Variants in LCN15 observed in about 807,000 individuals in gnomAD.
The protein encoded by LCN15 is lipocalin 15, also known as lipocalin-15.
A neutral mutation model predicts 23.1 loss-of-function variants in LCN15; 26 were observed. That is an observed-to-expected ratio of 1.13 (90% CI 0.82 to 1.56). LCN15 has a LOEUF of 1.56. LCN15 is among the 40% of genes most tolerant of loss of function. The pLI is 0.00. For synonymous variants in LCN15, 107 were observed against 98.3 expected (o/e 1.09, Z -0.52); for missense variants, 241 against 239.5 (o/e 1.01, Z -0.04).
chr9:136,763,319 G>C, intron 4 of LCN15, 38 bp downstream of exon 4: 1 of 1,205,596 alleles, frequency 8.3e-7, no homozygotes, highest in Non-Finnish European at 1.1e-6. Flanking sequence ...TGGGAAGTTG[G>C]GGAGGGGCCA....
At chr9:136,762,024 G>A (rs552807667) in intron 5 of LCN15, among the ~76,000 whole-genome samples, 164 bp downstream of exon 5, 1 of 152,304 alleles carries the variant, frequency 6.6e-6, no homozygotes, top group East Asian at 1.9e-4. Context: ...AGTCTGTTCT[G>A]GGGGAGGTGG....
chr9:136,764,508 C>CCCCT lies in LCN15; in HGVS notation c.-24_-21dup. The CCCCT allele has an allele frequency of 6.2e-7, 1 of 1,600,894 alleles. No homozygotes were observed. On this transcript the variant is annotated 5_prime_UTR_variant, in exon 1 of 7. Transcript: ENST00000316144. Reference sequence around the variant, plus strand: ...CATCATCCCCTCCCCTGCCCTCCAGCCCCTGGTGCTGAGTCCCCAAGCCCC... The same window carrying CCCCT: ...CATCATCCCCTCCCCTGCCCTCCAGCCCCTCCCTGGTGCTGAGTCCCCAAGCCCC...
chr9:136,760,543 C>T (rs886837360), intron 6 of LCN15, among the ~76,000 whole-genome samples: 1 of 151,734 alleles, frequency 6.6e-6, no homozygotes, highest in Non-Finnish European at 1.5e-5. Flanking sequence ...TCCCTCCAGA[C>T]GCCGGTGACT....
At chr9:136,762,090 C>G in intron 5 of LCN15, 98 bp downstream of exon 5, 2 of 848,050 alleles carry the variant, frequency 2.4e-6, no homozygotes, top group South Asian at 3.7e-5. Flanking sequence ...CACCTGCTGC[C>G]CGCACACTGC....
At position 136,761,851 on chromosome 9, in the gene LCN15, C is replaced by T; in HGVS notation, c.523G>A (p.Ala175Thr). ...GCCTCCTTGCTCTCAGGGTTGCATG[C>T]ATCTGTGGGGAGGAAGACATCCGTG... Reference protein sequence around the residue: ...DMMVMLPQSDACNPESKEAP With the variant: ...DMMVMLPQSDTCNPESKEAP The change falls in exon 6 of 7, where the codon GCA becomes ACA. Residue 175 changes from alanine (A) to threonine (T), a missense_variant and splice_region_variant. Transcript: ENST00000316144. The surrounding 1 kb of genome is among the most constrained non-coding windows in gnomAD (Gnocchi z 4.2). The T allele has an allele frequency of 1.5e-6, 2 of 1,332,788 alleles. No homozygotes were observed. The highest frequency in any genetic ancestry group is 1.5e-5 in the African/African-American group (1 of 66,216). 82.6% of individuals were successfully genotyped at this position (1,332,788 alleles called of 1,614,324 possible).
In LCN15 at chr9:136,762,701, A is replaced by G. The variant is rs1187570671; in HGVS notation, c.419-412T>C. ...CGGATCACGAGGTCAGGAGATCGAG[A>G]CCATCCTGGCTAACACGGTGAAACC... On this transcript the variant is annotated intron_variant, in intron 4 of 6. Transcript: ENST00000316144. Among the ~76,000 whole-genome samples the G allele has an allele frequency of 2.6e-5, 4 of 152,162 alleles. No individual in the cohort carries two copies. The East Asian group carries it at 7.7e-4, about 29-fold the overall frequency.
At position 136,763,959 on chromosome 9, in the gene LCN15, G is replaced by A. The variant is rs570212085; in HGVS notation, c.147C>T (p.Phe49=). The A allele has an allele frequency of 5.0e-6, 8 of 1,613,552 alleles. No homozygotes were observed. In the Admixed American group the frequency reaches 1.0e-4, roughly 20 times the overall value. Residue 49 remains phenylalanine, a synonymous_variant, in exon 2 of 7, where the codon TTC becomes TTT. Transcript: ENST00000316144. ...VVSMASDCRV[F]LGKKDHLSMS... ...TGGACAGGTGGTCCTTCTTGCCCAG[G>A]AAGACCCTGCAGTCAGATGCCATGG...
At chr9:136,763,269 C>A in intron 4 of LCN15, 88 bp downstream of exon 4, 2 of 539,702 alleles carry the variant, frequency 3.7e-6, no homozygotes, top group Non-Finnish European at 5.4e-6. Context: ...GGGCGGCAGG[C>A]GGGCGGGGCG....
chr9:136,764,238 G>A (rs1847354993), intron 1 of LCN15, 155 bp downstream of exon 1: 2 of 824,470 alleles, frequency 2.4e-6, no homozygotes, highest in Non-Finnish European at 3.8e-6. Context: ...TCCATTCACA[G>A]GTTGGTTTAG....
At chr9:136,760,622 C>T (rs932245532) in intron 6 of LCN15, among the ~76,000 whole-genome samples, 1 of 152,248 alleles carries the variant, frequency 6.6e-6, no homozygotes, top group South Asian at 2.1e-4. Flanking sequence ...AGGGACCCAG[C>T]GGTCTCCCGG....
chr9:136,764,112 C>T, intron 1 of LCN15, 103 bp from the exon 2 acceptor site: 4 of 1,457,352 alleles, frequency 2.7e-6, no homozygotes, highest in Middle Eastern at 1.8e-4. Context: ...CAAGGGGTCT[C>T]GGAGTGGCCA....
At chr9:136,764,368 A>G (rs778108561) in intron 1 of LCN15, 25 bp downstream of exon 1, 4 of 1,600,658 alleles carry the variant, frequency 2.5e-6, no homozygotes, top group East Asian at 2.2e-5. Context: ...CCCACCCACC[A>G]CAGGACAGCA....
chr9:136,760,453 G>C (rs1307009763), intron 6 of LCN15, among the ~76,000 whole-genome samples: 1 of 152,196 alleles, frequency 6.6e-6, no homozygotes, highest in African/African-American at 2.4e-5. Flanking sequence ...AAACGCAACA[G>C]CAGCACGGCA....
Position 136,761,322 on chromosome 9 carries a change from G to T in LCN15, c.*32+465C>A, listed in dbSNP as rs571222405. On this transcript the variant is annotated intron_variant, in intron 6 of 6. Coordinates refer to ENST00000316144, the MANE Select transcript of LCN15 (RefSeq NM_203347.2). This position sits in a 1 kb window ranked among gnomAD's most constrained non-coding sequence, Gnocchi z 4.2. ...GTCACCCAGGCTGGACTGTAATGGT[G>T]CAATCTCGGCTCACCGCAACCTCCG... Among the ~76,000 whole-genome samples the T allele has an allele frequency of 6.6e-6, 1 of 152,332 alleles. No homozygotes were observed. The highest frequency in any genetic ancestry group is 1.9e-4 in the East Asian group (1 of 5,192).
At chr9:136,763,234 A>AG in intron 4 of LCN15, 123 bp downstream of exon 4, 1 of 519,420 alleles carries the variant, frequency 1.9e-6, no homozygotes. Context: ...CGGAGGGGTG[A>AG]GGGCGGGGCC....
intron 6 of LCN15, among the ~76,000 whole-genome samples, chr9:136,760,181 G>C (rs1271061118): frequency 6.6e-6 from 1 of 152,254 alleles, no homozygotes; most frequent in Non-Finnish European, 1.5e-5. Flanking sequence ...TGGTGGCCCA[G>C]GCGGGGCACT....
intron 4 of LCN15, among the ~76,000 whole-genome samples, 162 bp from the exon 5 acceptor site, chr9:136,762,451 G>A (rs1847330556): frequency 6.6e-6 from 1 of 152,206 alleles, no homozygotes; most frequent in African/African-American, 2.4e-5. Flanking sequence ...AAGGAAACTT[G>A]GGGCCCCCTT....
intron 6 of LCN15, among the ~76,000 whole-genome samples, chr9:136,760,643 A>G (rs1040786226): frequency 1.3e-5 from 2 of 152,122 alleles, no homozygotes; most frequent in African/African-American, 4.8e-5. Context: ...CGTCTGGTTT[A>G]GGGGGGGATC....
rs753103217 is a variant in LCN15, at chr9:136,763,472, G to A, written c.308-5C>T. 7 of 1,587,738 alleles carry A rather than the reference G, an allele frequency of 4.4e-6. No homozygotes were observed. Among genetic ancestry groups the A allele is most frequent in the Admixed American group, 3.5e-5 (2 of 57,918 alleles). ...GCACGTCCAGGTAGCCCAAGGCTGC[G>A]GAGAGGCAGGCGGCCTTTTCAGGCT... On this transcript the variant is annotated splice_polypyrimidine_tract_variant and splice_region_variant and intron_variant, in intron 3 of 6. Transcript: ENST00000316144.
Sources: gnomAD v4.1 joint callset for allele counts (sites outside exome capture counted in the v4.1 genomes callset) on GRCh38, gnomAD v4.1.1 for gene constraint, Gnocchi (gnomAD v3.1) non-coding constraint, MANE v1.5 for transcripts, NCBI Gene and HGNC (gene_info 2026-07-23, HGNC 2026-07-21) for gene names.